SLC25A27: variants seen among roughly 807,000 people sequenced by gnomAD.
The protein encoded by SLC25A27 is solute carrier family 25 member 27, also known as mitochondrial uncoupling protein 4.
In SLC25A27, 35 loss-of-function variants were observed where a neutral mutation model predicts 49.1. The ratio of observed to expected loss-of-function variants is 0.71; its 90% CI spans 0.54 to 0.95. SLC25A27 has a LOEUF of 0.95. Among genes scored for constraint, SLC25A27 ranks in the 40% least tolerant of loss-of-function variants. The probability of loss-of-function intolerance (pLI) is 0.00; values close to 1 mark genes in which losing one functional copy is unlikely to be tolerated. For synonymous variants in SLC25A27, 144 were observed against 136.9 expected, an observed-to-expected ratio of 1.05 and a Z score of -0.36; for missense variants, 339 against 397.1, an observed-to-expected ratio of 0.85 and a Z score of 1.24.
intron 5 of SLC25A27, 61 bp downstream of exon 5, chr6:46,664,947 A>T (rs1763276709): frequency 1.4e-6 from 1 of 730,660 alleles, no homozygotes; most frequent in Admixed American, 3.1e-5. Flanking sequence ...GTAAGCACTT[A>T]TATTAGGGAA....
chr6:46,656,220 G>A lies in SLC25A27; in HGVS notation c.298+186G>A, dbSNP rs371549061. 1.6e-4 allele frequency among the ~76,000 whole-genome samples: 24 copies of A among 151,120 alleles called. No homozygotes were observed. The East Asian group carries it at 2.1e-3, about 13-fold the overall frequency. ...TTTTGAGATGGAGTCACACTCTGTC[G>A]CCCAGGCTGTAGTGCAGTGGCGCCA... On this transcript the variant is annotated intron_variant, in intron 2 of 8. Coordinates refer to ENST00000371347, the MANE Select transcript of SLC25A27 (RefSeq NM_004277.5).
intron 7 of SLC25A27, 77 bp downstream of exon 7, chr6:46,670,304 T>A: frequency 1.1e-6 from 1 of 902,712 alleles, no homozygotes; most frequent in South Asian, 1.6e-5. Flanking sequence ...ATCTCTGCAT[T>A]TTTTATTGAT....
chr6:46,653,979 A>T (rs1762873925), intron 1 of SLC25A27: 2 of 692,784 alleles, frequency 2.9e-6, no homozygotes, highest in South Asian at 1.3e-4. Context: ...AGACAATTAT[A>T]ATGTGCTACT....
chr6:46,671,335 C>G (rs528383475), intron 8 of SLC25A27, 107 bp downstream of exon 8: 50 of 557,256 alleles, frequency 9.0e-5, no homozygotes, highest in Admixed American at 5.6e-4. Context: ...GCCCTGCCCC[C>G]CAAATCAAGG....
chr6:46,661,667 G>A (rs1763168669), intron 3 of SLC25A27, among the ~76,000 whole-genome samples: 1 of 152,180 alleles, frequency 6.6e-6, no homozygotes, highest in South Asian at 2.1e-4. Flanking sequence ...CTGTCCCACT[G>A]ATTAGTTGTG....
At chr6:46,673,559 T>A (rs1763636867) in intron 8 of SLC25A27, among the ~76,000 whole-genome samples, 1 of 152,208 alleles carries the variant, frequency 6.6e-6, no homozygotes. Flanking sequence ...GAGGCATCAA[T>A]AGGCGTTTGT....
At position 46,676,895 on chromosome 6, in the gene SLC25A27, G is replaced by A; in HGVS notation, c.*441G>A. 1 of 530,484 alleles carries A rather than the reference G, an allele frequency of 1.9e-6. No homozygotes were observed. The highest frequency in any genetic ancestry group is 3.3e-6 in the Non-Finnish European group (1 of 299,770). The allele number at this position is 530,484 out of a possible 1,614,324, so 32.9% of individuals were successfully genotyped here. On this transcript the variant is annotated 3_prime_UTR_variant, in exon 9 of 9. Coordinates refer to ENST00000371347, the MANE Select transcript of SLC25A27 (RefSeq NM_004277.5). ...GAAATACATTTAACCTGTTATGTCA[G>A]TATTTATCAATGAAGTTTGATAATT...
chr6:46,659,592 G>T (rs755469129), intron 3 of SLC25A27, among the ~76,000 whole-genome samples: 1 of 152,138 alleles, frequency 6.6e-6, no homozygotes, highest in Non-Finnish European at 1.5e-5. Flanking sequence ...GGTGGCTCAC[G>T]CCTGTAATCC....
At chr6:46,659,826 G>A (rs1763105695) in intron 3 of SLC25A27, among the ~76,000 whole-genome samples, 1 of 151,450 alleles carries the variant, frequency 6.6e-6, no homozygotes, top group Non-Finnish European at 1.5e-5. Context: ...TTGCATTCCA[G>A]CCTGGGTGAC....
chr6:46,669,575 GGT>G (rs1034255291), intron 6 of SLC25A27, among the ~76,000 whole-genome samples: 10 of 152,036 alleles, frequency 6.6e-5, no homozygotes, highest in Admixed American at 3.9e-4. Context: ...TGGAGGTAGG[GGT>G]GTGTGTGTGC....
intron 8 of SLC25A27, among the ~76,000 whole-genome samples, chr6:46,674,847 C>G (rs1443377632): frequency 2.0e-5 from 3 of 152,150 alleles, no homozygotes; most frequent in Non-Finnish European, 4.4e-5. Flanking sequence ...TAAACTTAAT[C>G]AACCCAAGAG....
chr6:46,671,145 T>A lies in SLC25A27; in HGVS notation c.817T>A (p.Ser273Thr). Residue 273 changes from serine (S) to threonine (T), a missense_variant, in exon 8 of 9, where the codon TCG becomes ACG. Ser to Thr is a moderately conservative substitution (Grantham distance 58, BLOSUM62 1). Transcript: ENST00000371347. ...KQGRGLLYKS[S>T]TDCLIQAVQG... is the part of the protein sequence containing the mutation. ...TTTTAGGGGACTTTTGTATAAATCA[T>A]CGACTGACTGCTTGATTCAGGCTGT... The A allele has an allele frequency of 6.2e-7, 1 of 1,600,456 alleles. No homozygotes were observed. Among genetic ancestry groups the A allele is most frequent in the Non-Finnish European group, 8.5e-7 (1 of 1,174,558 alleles).
At position 46,670,164 on chromosome 6, in the gene SLC25A27, TG is replaced by T; in HGVS notation, c.737del (p.Gly246GlufsTer11). On this transcript the variant is annotated frameshift_variant, in exon 7 of 9. Transcript: ENST00000371347. LOFTEE classifies it high-confidence loss of function. ...SLCSGLVASI[L>X]GTPADVIKSR... ...TGTTCTGGACTGGTAGCTTCTATTC[TG>T]GGAACACCAGCCGATGTCATCAAAA... 5.0e-6 allele frequency: 8 copies of T among 1,613,062 alleles called. No homozygotes were observed. Among genetic ancestry groups the T allele is most frequent in the South Asian group, 1.1e-5 (1 of 90,834 alleles).
At chr6:46,668,650 C>A in intron 5 of SLC25A27, 59 bp from the exon 6 acceptor site, 2 of 984,722 alleles carry the variant, frequency 2.0e-6, no homozygotes, top group Non-Finnish European at 3.3e-6. Context: ...CTAGCATATT[C>A]TTGACACAAA....
chr6:46,665,456 C>T (rs1432252651), intron 5 of SLC25A27, among the ~76,000 whole-genome samples: 3 of 152,042 alleles, frequency 2.0e-5, no homozygotes, highest in African/African-American at 7.2e-5. Flanking sequence ...GAGGCCGAGG[C>T]GGGCGGATCA....
At chr6:46,672,005 A>G (rs1763566260) in intron 8 of SLC25A27, among the ~76,000 whole-genome samples, 1 of 152,128 alleles carries the variant, frequency 6.6e-6, no homozygotes, top group Non-Finnish European at 1.5e-5. Flanking sequence ...GAGTACCTAC[A>G]TCATGCAAAG....
chr6:46,657,140 T>A (rs1013774674), intron 2 of SLC25A27, among the ~76,000 whole-genome samples: 6 of 152,138 alleles, frequency 3.9e-5, no homozygotes, highest in African/African-American at 1.4e-4. Context: ...CTCTCCAGCC[T>A]GGGTAACAAA....
chr6:46,656,708 C>T (rs577797948), intron 2 of SLC25A27, among the ~76,000 whole-genome samples: 64 of 152,212 alleles, frequency 4.2e-4, no homozygotes, highest in Admixed American at 1.3e-3. Context: ...CGTGAGCCGC[C>T]GTGCCCAGCC....
chr6:46,653,604 A>G, intron 1 of SLC25A27: 1 of 985,392 alleles, frequency 1.0e-6, no homozygotes, highest in Non-Finnish European at 1.2e-6. Flanking sequence ...CCTTTTCATG[A>G]GGATGACCTT....
Sources: allele counts gnomAD v4.1 joint callset (sites outside exome capture counted in the v4.1 genomes callset), GRCh38; gene constraint gnomAD v4.1.1; transcripts MANE v1.5; gene names NCBI Gene and HGNC (gene_info 2026-07-23, HGNC 2026-07-21).